HDAC9: variants seen among roughly 807,000 people sequenced by gnomAD.
HDAC9 encodes histone deacetylase 9, also known as MEF-2 interacting transcription repressor (MITR) protein.
In HDAC9, 41 loss-of-function variants were observed where a neutral mutation model predicts 139.4. The observed-to-expected ratio is 0.29, with a 90% CI of 0.23 to 0.38. The LOEUF (loss-of-function observed/expected upper bound fraction) is 0.38. Among genes scored for constraint, HDAC9 ranks in the 10% least tolerant of loss-of-function variants. HDAC9 has a pLI of 1.00. For synonymous variants in HDAC9, 517 were observed against 476.2 expected, an observed-to-expected ratio of 1.09 and a Z score of -1.12; for missense variants, 1,147 against 1,297.0, an observed-to-expected ratio of 0.88 and a Z score of 1.78.
chr7:18,592,263 C>T (rs188442954), intron 5 of HDAC9, among the ~76,000 whole-genome samples: 1 of 152,158 alleles, frequency 6.6e-6, no homozygotes, highest in East Asian at 1.9e-4. Context: ...CATTTCTTCC[C>T]AGACAGCAAA....
At chr7:18,965,754 G>T (rs905519105) in intron 24 of HDAC9, among the ~76,000 whole-genome samples, 1 of 152,134 alleles carries the variant, frequency 6.6e-6, no homozygotes, top group African/African-American at 2.4e-5. Flanking sequence ...ACTGCTCCTG[G>T]GGGACAATAT....
At chr7:18,654,039 T>G (rs1004572056) in intron 11 of HDAC9, among the ~76,000 whole-genome samples, 2 of 152,262 alleles carry the variant, frequency 1.3e-5, no homozygotes, top group East Asian at 3.9e-4. Flanking sequence ...GCAGTTATAA[T>G]GTAGAACTAT....
intron 1 of HDAC9, among the ~76,000 whole-genome samples, chr7:18,439,105 A>G (rs1016865857): frequency 2.6e-5 from 4 of 152,170 alleles, no homozygotes; most frequent in African/African-American, 7.2e-5. Flanking sequence ...ATCTTACATT[A>G]TCTTTATTTA....
intron 2 of HDAC9, among the ~76,000 whole-genome samples, chr7:18,547,514 C>A (rs1025222909): frequency 6.6e-6 from 1 of 152,296 alleles, no homozygotes; most frequent in Non-Finnish European, 1.5e-5. Context: ...GGATTACAGG[C>A]GTGAGCCACC....
At chr7:18,926,299 A>G (rs1476384470) in intron 22 of HDAC9, among the ~76,000 whole-genome samples, 1 of 152,130 alleles carries the variant, frequency 6.6e-6, no homozygotes, top group African/African-American at 2.4e-5. Flanking sequence ...GTGAGCTATG[A>G]TGATGCCACT....
At chr7:18,823,005 A>T (rs1390072158) in intron 17 of HDAC9, among the ~76,000 whole-genome samples, 1 of 152,194 alleles carries the variant, frequency 6.6e-6, no homozygotes, top group Admixed American at 6.5e-5. Context: ...GTTTTTATTA[A>T]GACTTAATAT....
chr7:18,622,622 T>G (rs1840520434), intron 6 of HDAC9, among the ~76,000 whole-genome samples: 1 of 151,842 alleles, frequency 6.6e-6, no homozygotes, highest in Non-Finnish European at 1.5e-5. Context: ...GTGCCCGGCC[T>G]AAAGAAACAT....
rs1312184592 is a variant in HDAC9 at position 18,516,863 on chromosome 7, A to C, written c.22+20539A>C. ...GTGACAGAGTCAGACTCCATTTCAG[A>C]AAAAAAAAAAAAAAAAAAAAAAGAT... On this transcript the variant is annotated intron_variant, in intron 2 of 25. Transcript: ENST00000686413. Among the ~76,000 whole-genome samples the C allele has an allele frequency of 4.0e-5, 5 of 124,590 alleles. No individual in the cohort carries two copies. The South Asian group carries it at 1.2e-3, about 30-fold the overall frequency. 81.7% of individuals were successfully genotyped at this position (124,590 alleles called of 152,430 possible).
Position 18,733,808 on chromosome 7 carries a change from G to C in HDAC9, c.1909+6051G>C, listed in dbSNP as rs1331010559. Among the ~76,000 whole-genome samples, 7 of 152,178 alleles carry C rather than the reference G, an allele frequency of 4.6e-5. No homozygotes were observed. The South Asian group carries it at 1.5e-3, about 32-fold the overall frequency. Reference sequence around the variant, plus strand: ...GGGACACAAGTTTTTTGTCTGAAAAGTCTGGAAATGTGATCAAATGTTCAA... The same window carrying C: ...GGGACACAAGTTTTTTGTCTGAAAACTCTGGAAATGTGATCAAATGTTCAA... On this transcript the variant is annotated intron_variant, in intron 13 of 25. Transcript: ENST00000686413.
intron 14 of HDAC9, among the ~76,000 whole-genome samples, chr7:18,760,757 C>G (rs1420665719): frequency 6.6e-6 from 1 of 152,188 alleles, no homozygotes; most frequent in Non-Finnish European, 1.5e-5. Flanking sequence ...TCACTGTGAC[C>G]TGATCATTTA....
At chr7:18,905,298 C>T (rs1802130141) in intron 22 of HDAC9, among the ~76,000 whole-genome samples, 1 of 152,198 alleles carries the variant, frequency 6.6e-6, no homozygotes, top group South Asian at 2.1e-4. Flanking sequence ...TATCTCTTAC[C>T]AGCCTGCAGG....
intron 21 of HDAC9, among the ~76,000 whole-genome samples, chr7:18,836,352 G>C (rs1796236550): frequency 6.6e-6 from 1 of 152,056 alleles, no homozygotes; most frequent in Admixed American, 6.6e-5. Context: ...TGATTTTGTT[G>C]AACAAGCATT....
chr7:18,404,831 G>A (rs1334455391), intron 1 of HDAC9, among the ~76,000 whole-genome samples: 2 of 152,190 alleles, frequency 1.3e-5, no homozygotes, highest in African/African-American at 4.8e-5. Flanking sequence ...ATGTAGAAAT[G>A]TATAAAAAGA....
intron 17 of HDAC9, among the ~76,000 whole-genome samples, chr7:18,801,980 T>A (rs1793334301): frequency 6.6e-6 from 1 of 151,954 alleles, no homozygotes; most frequent in South Asian, 2.1e-4. Context: ...GTCAGAAGTT[T>A]GACAATTCTC....
intron 24 of HDAC9, among the ~76,000 whole-genome samples, chr7:18,970,038 C>A (rs6976460): frequency 0.27 from 40,802 of 152,058 alleles, 6,532 homozygotes; most frequent in Non-Finnish European, 0.36. Flanking sequence ...GAGACTATTT[C>A]TCAATGAAAA....
intron 7 of HDAC9, among the ~76,000 whole-genome samples, chr7:18,629,947 T>C (rs1201180372): frequency 6.6e-6 from 1 of 152,126 alleles, no homozygotes; most frequent in Non-Finnish European, 1.5e-5. Flanking sequence ...AACTCATAAA[T>C]GACTTTATGT....
rs778958565 is a variant in HDAC9 at position 18,829,151 on chromosome 7, G to C, written c.2323-10G>C. ...TATCTGACCATTGAAAACCTGTCTT[G>C]TTTTCACAGAATGGGTTTGCTGTTG... On this transcript the variant is annotated splice_polypyrimidine_tract_variant and intron_variant, in intron 17 of 25. Coordinates refer to ENST00000686413, the MANE Select transcript of HDAC9 (RefSeq NM_178425.4). 2 of 1,608,106 alleles carry C rather than the reference G, an allele frequency of 1.2e-6. No individual in the cohort carries two copies. Among genetic ancestry groups the C allele is most frequent in the South Asian group, 2.2e-5 (2 of 90,974 alleles).
At chr7:18,266,558 A>G (rs950246545) in intron 2 of HDAC9, among the ~76,000 whole-genome samples, 1 of 152,170 alleles carries the variant, frequency 6.6e-6, no homozygotes, top group East Asian at 1.9e-4. Context: ...ACAGAATATT[A>G]AAAAGATGCA....
chr7:18,991,873 A>C (rs1179989936), intron 25 of HDAC9, among the ~76,000 whole-genome samples: 1 of 152,222 alleles, frequency 6.6e-6, no homozygotes, highest in African/African-American at 2.4e-5. Flanking sequence ...TCAATGGAGA[A>C]TGTGAGTTCT....
Sources: allele counts gnomAD v4.1 joint callset (sites outside exome capture counted in the v4.1 genomes callset), GRCh38; gene constraint gnomAD v4.1.1; transcripts MANE v1.5; gene names NCBI Gene and HGNC (gene_info 2026-07-23, HGNC 2026-07-21).